GAB3: variants seen among roughly 807,000 people sequenced by gnomAD.
The protein encoded by GAB3 is GRB2-associated-binding protein 3.
GAB3 carries 12 observed loss-of-function variants against 40.4 expected under a neutral mutation model. The observed-to-expected ratio is 0.30, with a 90% confidence interval of 0.19 to 0.48. GAB3 has a LOEUF of 0.48. GAB3 is among the 20% of genes least tolerant of loss of function. The pLI, the probability that GAB3 is intolerant of heterozygous loss-of-function variation, is 0.99. For synonymous variants in GAB3, 154 were observed against 176.7 expected, an observed-to-expected ratio of 0.87 and a Z score of 1.02; for missense variants, 381 against 461.9, an observed-to-expected ratio of 0.82 and a Z score of 1.61.
intron 4 of GAB3, among the ~76,000 whole-genome samples, chrX:154,707,854 A>G (rs1557254066): frequency 8.9e-6 from 1 of 112,428 alleles, no homozygotes. Flanking sequence ...AAAATCCAAA[A>G]CTCAATTTAA....
chrX:154,709,249 G>A (rs2070875312), intron 4 of GAB3, among the ~76,000 whole-genome samples: 1 of 110,568 alleles, frequency 9.0e-6, no homozygotes, highest in Admixed American at 9.6e-5. Flanking sequence ...TTCCTGTACA[G>A]CCTGTGGAAC....
At chrX:154,699,549 C>T in intron 5 of GAB3, 36 bp from the exon 6 acceptor site, 2 of 1,138,451 alleles carry the variant, frequency 1.8e-6, no homozygotes, top group Middle Eastern at 5.7e-4. Flanking sequence ...GAACCACAGA[C>T]CAGTCATGGA....
rs377553088 is a variant in GAB3, at chrX:154,744,628, T to C, written c.72+6326A>G. On this transcript the variant is annotated intron_variant, in intron 1 of 9. Transcript: ENST00000424127. ...ACATTCCTCCCTCAGTAACTGAGAG[T>C]AAAAGTGAACAGAAAATCAGTAAGG... Among the ~76,000 whole-genome samples the C allele has an allele frequency of 3.3e-4, 37 of 111,812 alleles. No homozygotes were observed. The East Asian group carries it at 6.7e-3, about 20-fold the overall frequency.
intron 4 of GAB3, among the ~76,000 whole-genome samples, chrX:154,701,389 C>T (rs2070737618): frequency 8.9e-6 from 1 of 112,448 alleles, no homozygotes. Context: ...GAATCAAAGA[C>T]ATAGGTATAA....
At chrX:154,697,049 G>A (rs2070668982) in intron 7 of GAB3, 83 bp downstream of exon 7, 1 of 787,292 alleles carries the variant, frequency 1.3e-6, no homozygotes, top group African/African-American at 2.1e-5. Context: ...AGATCAGATG[G>A]GCTTCAACTA....
chrX:154,744,212 CAAAAAAAAAAAAAA>C (rs56796528), intron 1 of GAB3, among the ~76,000 whole-genome samples: 7 of 30,556 alleles, frequency 2.3e-4, no homozygotes, highest in South Asian at 5.7e-3. Context: ...GATTCCATCT[CAAAAAAAAAAAAAA>C]AAAAAAAAAA....
chrX:154,750,584 A>G (rs2071598396), intron 1 of GAB3, among the ~76,000 whole-genome samples: 1 of 112,062 alleles, frequency 8.9e-6, no homozygotes, highest in African/African-American at 3.2e-5. Flanking sequence ...TCGCGGGGCG[A>G]TGGGTCTCAG....
chrX:154,712,784 C>A, intron 3 of GAB3, 83 bp from the exon 4 acceptor site: 1 of 529,748 alleles, frequency 1.9e-6, no homozygotes, highest in Admixed American at 4.5e-5. Flanking sequence ...TTCCCATCTC[C>A]CCAGTACCAC....
At chrX:154,720,626 CAAAAAAAA>C (rs782047643) in intron 1 of GAB3, among the ~76,000 whole-genome samples, 2 of 30,806 alleles carry the variant, frequency 6.5e-5, no homozygotes, top group African/African-American at 2.2e-4. Flanking sequence ...GACTCCGTCT[CAAAAAAAA>C]AAAAAAAAAA....
At chrX:154,679,919 A>C (rs1361290698) in intron 9 of GAB3, among the ~76,000 whole-genome samples, 2 of 112,192 alleles carry the variant, frequency 1.8e-5, no homozygotes, top group African/African-American at 6.5e-5. Flanking sequence ...ACATCTATTT[A>C]TACATACACA....
At chrX:154,733,812 T>A (rs185677739) in intron 1 of GAB3, among the ~76,000 whole-genome samples, 49 of 112,428 alleles carry the variant, frequency 4.4e-4, no homozygotes, top group Admixed American at 1.1e-3. Flanking sequence ...TACCGTAAGC[T>A]CTTTACCTAA....
At position 154,692,744 on chromosome X, in the gene GAB3, C is replaced by T. The variant is rs782263471; in HGVS notation, c.1530+3173G>A. On this transcript the variant is annotated intron_variant, in intron 8 of 9. Transcript: ENST00000424127. The stretch of plus-strand genomic sequence containing the variant: ...CAGAGGTTGCAGTGAGCCGAGCTTG[C>T]GCCACTGCACTCCAGCCTGGGCAAC... Among the ~76,000 whole-genome samples, 69 of 111,479 alleles carry T rather than the reference C, an allele frequency of 6.2e-4. 1 individual carries two copies. The highest frequency in any genetic ancestry group is 4.6e-3 in the Middle Eastern group (1 of 218).
intron 4 of GAB3, among the ~76,000 whole-genome samples, chrX:154,710,417 AAGAGAGTGTGG>A (rs1320234464): frequency 1.8e-4 from 20 of 111,932 alleles, no homozygotes; most frequent in African/African-American, 6.5e-4. Flanking sequence ...TACAGTAATT[AAGAGAGTGTGG>A]CACTGGTGCA....
intron 8 of GAB3, among the ~76,000 whole-genome samples, chrX:154,685,233 C>CA (rs1414403316): frequency 2.7e-5 from 3 of 111,293 alleles, no homozygotes; most frequent in Non-Finnish European, 5.7e-5. Flanking sequence ...ATTTTATATT[C>CA]AAAATCCAGT....
At chrX:154,709,256 G>A (rs186592130) in intron 4 of GAB3, among the ~76,000 whole-genome samples, 2,684 of 110,347 alleles carry the variant, frequency 0.024, 44 homozygotes, top group Non-Finnish European at 0.04. Flanking sequence ...ACAGCCTGTG[G>A]AACTGTGAGT....
chrX:154,695,256 T>C (rs1292379066), intron 8 of GAB3, among the ~76,000 whole-genome samples: 1 of 111,720 alleles, frequency 9.0e-6, no homozygotes, highest in African/African-American at 3.3e-5. Flanking sequence ...TTCCTCTCCA[T>C]CTTCAAAAAG....
chrX:154,715,871 T>A (rs781887227), intron 2 of GAB3, among the ~76,000 whole-genome samples, 155 bp downstream of exon 2: 20 of 112,137 alleles, frequency 1.8e-4, no homozygotes, highest in Non-Finnish European at 3.4e-4. Context: ...GAGGGCAATT[T>A]CCAGTATTGT....
rs782304300 is a variant in GAB3 at position 154,696,980 on chromosome X, G to C, written c.1427+152C>G. ...GACCCAGACATATTCCTTCCTTTGT[G>C]ATCCATAAAACAGCTCTTGCTCTCG... On this transcript the variant is annotated intron_variant, in intron 7 of 9. Transcript: ENST00000424127. The C allele has an allele frequency of 1.8e-5, 8 of 435,149 alleles. No homozygotes were observed. The East Asian group carries it at 3.3e-4, about 18-fold the overall frequency. The allele number at this position is 435,149 out of a possible 1,213,427, so 35.9% of individuals were successfully genotyped here.
intron 1 of GAB3, among the ~76,000 whole-genome samples, chrX:154,721,124 G>A (rs1472041477): frequency 8.9e-6 from 1 of 111,871 alleles, no homozygotes; most frequent in African/African-American, 3.3e-5. Flanking sequence ...CTACATTAAG[G>A]GGTTAATATT....
Sources: allele counts gnomAD v4.1 joint callset (sites outside exome capture counted in the v4.1 genomes callset), GRCh38; gene constraint gnomAD v4.1.1; transcripts MANE v1.5; gene names NCBI Gene and HGNC (gene_info 2026-07-23, HGNC 2026-07-21).